Variants in ADGRL2 observed in about 807,000 individuals in gnomAD.
ADGRL2 encodes adhesion G protein-coupled receptor L2.
A neutral mutation model predicts 157.4 loss-of-function variants in ADGRL2; 44 were observed. That is an observed-to-expected ratio of 0.28 (90% CI 0.22 to 0.36). ADGRL2 has a LOEUF of 0.36. ADGRL2 is among the 10% of genes least tolerant of loss of function. The probability of loss-of-function intolerance (pLI) is 1.00; values close to 1 mark genes in which losing one functional copy is unlikely to be tolerated. For missense variants in ADGRL2, 1,510 were observed against 1,768.9 expected, an observed-to-expected ratio of 0.85 and a Z score of 2.63; for synonymous variants, 585 against 624.7, an observed-to-expected ratio of 0.94 and a Z score of 0.95.
At chr1:81,385,963 C>T (rs1253756306) in intron 1 of ADGRL2, among the ~76,000 whole-genome samples, 7 of 151,864 alleles carry the variant, frequency 4.6e-5, no homozygotes, top group Non-Finnish European at 1.0e-4. Context: ...CCACATAGCT[C>T]GATATGTCTC....
intron 2 of ADGRL2, among the ~76,000 whole-genome samples, chr1:81,518,841 G>A (rs1265535768): frequency 6.6e-6 from 1 of 151,454 alleles, no homozygotes; most frequent in Non-Finnish European, 1.5e-5. Context: ...TTGTTGTGAA[G>A]ATTAAATGAG....
At chr1:81,955,156 T>A (rs965879231) in intron 10 of ADGRL2, among the ~76,000 whole-genome samples, 1 of 152,200 alleles carries the variant, frequency 6.6e-6, no homozygotes, top group African/African-American at 2.4e-5. Flanking sequence ...GAAGACTTGA[T>A]TCTACTTTCC....
At chr1:81,315,661 T>C (rs1225319948) in intron 1 of ADGRL2, among the ~76,000 whole-genome samples, 1 of 152,148 alleles carries the variant, frequency 6.6e-6, no homozygotes, top group Admixed American at 6.6e-5. Context: ...CACTATTTTC[T>C]ACCTCTCACA....
Position 81,605,265 on chromosome 1 carries a change from T to C in ADGRL2, c.-143+24285T>C, listed in dbSNP as rs1056327224. 2.0e-5 allele frequency among the ~76,000 whole-genome samples: 3 copies of C among 152,154 alleles called. No homozygotes were observed. In the East Asian group the frequency reaches 5.8e-4, roughly 29 times the overall value. On this transcript the variant is annotated intron_variant, in intron 3 of 24. Coordinates refer to the ADGRL2 transcript ENST00000370721. Reference sequence around the variant, plus strand: ...TAATTACAAGGCTGAATTCTAAATGTGCTTGGTGTTTGTCAAGTCAAGAGA... The same window carrying C: ...TAATTACAAGGCTGAATTCTAAATGCGCTTGGTGTTTGTCAAGTCAAGAGA...
intron 2 of ADGRL2, among the ~76,000 whole-genome samples, chr1:81,482,194 C>T (rs2147887034): frequency 6.6e-6 from 1 of 152,278 alleles, no homozygotes. Flanking sequence ...TTAGCAGAAA[C>T]TGATATTAGT....
chr1:81,575,692 G>T (rs1424960432), intron 2 of ADGRL2, among the ~76,000 whole-genome samples: 2 of 152,028 alleles, frequency 1.3e-5, no homozygotes. Flanking sequence ...GGAGAAGTTG[G>T]TATAGTTACA....
In ADGRL2 at chr1:81,711,641, T is replaced by A. The variant is rs534138187; in HGVS notation, c.-143+11833T>A. Among the ~76,000 whole-genome samples the A allele has an allele frequency of 2.0e-5, 3 of 152,238 alleles. No individual in the cohort carries two copies. In the East Asian group the frequency reaches 5.8e-4, roughly 29 times the overall value. ...AGTGTGAGGTGGTTAAGAATATGAC[T>A]ATAGTGCTACATATGGTTTGGTGCC... On this transcript the variant is annotated intron_variant, in intron 1 of 20. Coordinates refer to the ADGRL2 transcript ENST00000359929.
chr1:81,469,871 C>T (rs897564182), intron 2 of ADGRL2, among the ~76,000 whole-genome samples: 16 of 152,184 alleles, frequency 1.1e-4, no homozygotes, highest in African/African-American at 2.4e-5. Context: ...CTATGCAATT[C>T]AGCTCTTTAT....
At chr1:81,717,389 A>C (rs2084155756) in intron 1 of ADGRL2, among the ~76,000 whole-genome samples, 1 of 152,204 alleles carries the variant, frequency 6.6e-6, no homozygotes, top group Non-Finnish European at 1.5e-5. Context: ...TTCACCATCA[A>C]AATTCATCTA....
intron 2 of ADGRL2, among the ~76,000 whole-genome samples, chr1:81,889,990 G>T (rs2094219390): frequency 6.6e-6 from 1 of 152,114 alleles, no homozygotes; most frequent in Non-Finnish European, 1.5e-5. Flanking sequence ...CCTCATCTCT[G>T]GCAATAAATT....
intron 1 of ADGRL2, among the ~76,000 whole-genome samples, chr1:81,804,115 T>G (rs1349764780): frequency 6.6e-6 from 1 of 152,208 alleles, no homozygotes; most frequent in Non-Finnish European, 1.5e-5. Context: ...TGTTTTGACC[T>G]AACTAAGGGT....
chr1:81,482,310 G>A (rs994605060), intron 2 of ADGRL2, among the ~76,000 whole-genome samples: 3 of 152,126 alleles, frequency 2.0e-5, no homozygotes, highest in Admixed American at 6.5e-5. Flanking sequence ...AAGTCCTAAT[G>A]GAGGATTCAT....
chr1:81,603,044 C>G (rs2081365044), intron 3 of ADGRL2, among the ~76,000 whole-genome samples: 1 of 152,118 alleles, frequency 6.6e-6, no homozygotes, highest in Non-Finnish European at 1.5e-5. Flanking sequence ...GAAAAAGCAA[C>G]AGAGTCAAAG....
At chr1:81,442,457 G>A (rs901222791) in intron 1 of ADGRL2, among the ~76,000 whole-genome samples, 1 of 152,106 alleles carries the variant, frequency 6.6e-6, no homozygotes, top group East Asian at 1.9e-4. Context: ...AAAGAAATTG[G>A]CAAGAAAACA....
At chr1:81,856,423 G>C (rs1462273736) in intron 2 of ADGRL2, among the ~76,000 whole-genome samples, 1 of 152,074 alleles carries the variant, frequency 6.6e-6, no homozygotes, top group African/African-American at 2.4e-5. Flanking sequence ...AGCCTACATT[G>C]GTCTGAGGAT....
At chr1:81,831,125 T>G (rs984070244) in intron 1 of ADGRL2, among the ~76,000 whole-genome samples, 1 of 152,194 alleles carries the variant, frequency 6.6e-6, no homozygotes, top group African/African-American at 2.4e-5. Context: ...CTTGTAGATG[T>G]TAATATTAAA....
intron 2 of ADGRL2, among the ~76,000 whole-genome samples, chr1:81,576,398 A>G (rs1366311127): frequency 1.3e-5 from 2 of 152,032 alleles, no homozygotes; most frequent in Admixed American, 6.6e-5. Flanking sequence ...TTCCTACATC[A>G]TAGCTTTTTA....
Position 81,478,072 on chromosome 1 carries a change from T to C in ADGRL2, c.-248+32983T>C, listed in dbSNP as rs1451554953. On this transcript the variant is annotated intron_variant, in intron 2 of 24. Coordinates refer to the ADGRL2 transcript ENST00000370721. The stretch of plus-strand genomic sequence containing the variant: ...GGGGGTTTTCTTTAAACATACACTT[T>C]AATGTATTGTCTTTAAAAAAAAATA... Among the ~76,000 whole-genome samples the C allele has an allele frequency of 1.3e-5, 2 of 152,172 alleles. 1 individual carries two copies. Among genetic ancestry groups the C allele is most frequent in the Non-Finnish European group, 2.9e-5 (2 of 68,022 alleles).
At chr1:81,368,649 A>G (rs972633408) in intron 1 of ADGRL2, among the ~76,000 whole-genome samples, 1 of 152,176 alleles carries the variant, frequency 6.6e-6, no homozygotes, top group African/African-American at 2.4e-5. Flanking sequence ...GTACCTTCCA[A>G]TCCTTAATGA....
Sources: gnomAD v4.1 joint callset for allele counts (sites outside exome capture counted in the v4.1 genomes callset) on GRCh38, gnomAD v4.1.1 for gene constraint, MANE v1.5 for transcripts, NCBI Gene and HGNC (gene_info 2026-07-23, HGNC 2026-07-21) for gene names.